The following PSD3 variants were observed in gnomAD, a reference collection of about 807,000 sequenced individuals.
The protein encoded by PSD3 is PH and SEC7 domain-containing protein 3.
In PSD3, 49 loss-of-function variants were observed where a neutral mutation model predicts 105.5. That is an observed-to-expected ratio of 0.46 (90% CI 0.37 to 0.59). The LOEUF (loss-of-function observed/expected upper bound fraction) is 0.59, where lower values mean the gene tolerates loss of function less well. PSD3 is among the 20% of genes least tolerant of loss of function. The pLI, the probability that PSD3 is intolerant of heterozygous loss-of-function variation, is 0.00. For synonymous variants in PSD3, 557 were observed against 457.8 expected, an observed-to-expected ratio of 1.22 and a Z score of -2.77; for missense variants, 1,561 against 1,263.8, an observed-to-expected ratio of 1.24 and a Z score of -3.57.
Position 18,871,620 on chromosome 8 carries a change from G to A in PSD3, c.1238+6C>T, listed in dbSNP as rs764717476. ...CTGAGACAGCAGGGCTACTATGGGA[G>A]CTCACCTTTCCCTGTCTCTCTCTGG... On this transcript the variant is annotated splice_donor_region_variant and intron_variant, in intron 3 of 15. Transcript: ENST00000327040. 1 of 1,591,302 alleles carries A rather than the reference G, an allele frequency of 6.3e-7. No individual in the cohort carries two copies. The highest frequency in any genetic ancestry group is 1.3e-5 in the African/African-American group (1 of 74,154).
chr8:18,878,197 T>C (rs187396875), intron 2 of PSD3, among the ~76,000 whole-genome samples: 16 of 152,342 alleles, frequency 1.1e-4, no homozygotes, highest in African/African-American at 3.4e-4. Context: ...CCTAAGATTC[T>C]ATTTCTTTTG....
chr8:18,702,955 A>G (rs1295164769), intron 9 of PSD3, among the ~76,000 whole-genome samples: 2 of 152,106 alleles, frequency 1.3e-5, no homozygotes, highest in Admixed American at 1.3e-4. Flanking sequence ...TGCTTTGTGT[A>G]GTGCCTGCTA....
chr8:18,912,042 A>C (rs1293430212), intron 2 of PSD3, among the ~76,000 whole-genome samples: 1 of 152,194 alleles, frequency 6.6e-6, no homozygotes, highest in African/African-American at 2.4e-5. Context: ...AGGTTTTGAA[A>C]AATTTATACA....
chr8:19,033,240 A>ATT (rs149436225), intron 1 of PSD3, among the ~76,000 whole-genome samples: 1 of 151,974 alleles, frequency 6.6e-6, no homozygotes, highest in African/African-American at 2.4e-5. Flanking sequence ...CACAACCAAC[A>ATT]TTTTTTTTAT....
At position 18,839,715 on chromosome 8, in the gene PSD3, G is replaced by A. The variant is rs188219237; in HGVS notation, c.1634+27959C>T. Among the ~76,000 whole-genome samples the A allele has an allele frequency of 1.4e-4, 22 of 152,182 alleles. 1 individual carries two copies. The highest frequency in any genetic ancestry group is 4.6e-4 in the African/African-American group (19 of 41,510). On this transcript the variant is annotated intron_variant, in intron 4 of 15. Transcript: ENST00000327040. The stretch of plus-strand genomic sequence containing the variant: ...CATCACCACTGTAAGTCAACTCCAC[G>A]TGGAACTCAAGTAAGATCAGAGTTC...
At chr8:18,868,341 A>C (rs1817100647) in intron 3 of PSD3, among the ~76,000 whole-genome samples, 1 of 152,180 alleles carries the variant, frequency 6.6e-6, no homozygotes, top group Non-Finnish European at 1.5e-5. Context: ...ATATGAATAA[A>C]ATATTCAATT....
intron 1 of PSD3, among the ~76,000 whole-genome samples, chr8:18,993,381 A>G (rs1036626290): frequency 1.3e-5 from 2 of 149,608 alleles, no homozygotes; most frequent in Admixed American, 1.3e-4. Context: ...CCAGAATCCA[A>G]TAAAATAATT....
chr8:18,625,588 T>C (rs773493823), intron 11 of PSD3, among the ~76,000 whole-genome samples: 6 of 152,208 alleles, frequency 3.9e-5, no homozygotes, highest in Non-Finnish European at 8.8e-5. Context: ...TGCTACACAG[T>C]GACAGACTGT....
intron 2 of PSD3, among the ~76,000 whole-genome samples, chr8:18,893,178 G>A (rs187394778): frequency 1.7e-4 from 26 of 152,250 alleles, no homozygotes; most frequent in Non-Finnish European, 2.9e-4. Context: ...AACTGCTTTC[G>A]CCATGTACTG....
At chr8:18,909,326 C>T (rs1820052872) in intron 2 of PSD3, among the ~76,000 whole-genome samples, 1 of 152,186 alleles carries the variant, frequency 6.6e-6, no homozygotes, top group South Asian at 2.1e-4. Flanking sequence ...ACCAAATGAA[C>T]AAACTGTGAC....
At chr8:18,768,927 T>A (rs951653435) in intron 8 of PSD3, among the ~76,000 whole-genome samples, 2 of 152,184 alleles carry the variant, frequency 1.3e-5, no homozygotes, top group East Asian at 1.9e-4. Flanking sequence ...ATATTTCTCA[T>A]AAGTTAAATA....
intron 8 of PSD3, among the ~76,000 whole-genome samples, chr8:18,784,398 C>G (rs1163816637): frequency 1.3e-5 from 2 of 152,194 alleles, no homozygotes; most frequent in South Asian, 2.1e-4. Context: ...GTGGGGGTTT[C>G]TCCACATTCA....
intron 12 of PSD3, among the ~76,000 whole-genome samples, chr8:18,590,761 T>C (rs1183037201): frequency 6.6e-6 from 1 of 152,100 alleles, no homozygotes; most frequent in African/African-American, 2.4e-5. Flanking sequence ...AAATACTACA[T>C]GCATTTAAAA....
chr8:18,865,241 T>G (rs1362161891), intron 4 of PSD3: 2 of 4,056 alleles, frequency 4.9e-4, no homozygotes, highest in African/African-American at 7.8e-4. Flanking sequence ...TATATATATA[T>G]ATATATATAT....
chr8:18,567,912 G>T (rs1005286096), intron 14 of PSD3, among the ~76,000 whole-genome samples: 4 of 152,200 alleles, frequency 2.6e-5, no homozygotes, highest in Non-Finnish European at 5.9e-5. Context: ...GCGTTATGGG[G>T]GTAGATCCCT....
At chr8:18,968,892 A>C (rs908738100) in intron 1 of PSD3, among the ~76,000 whole-genome samples, 1 of 151,146 alleles carries the variant, frequency 6.6e-6, no homozygotes, top group African/African-American at 2.4e-5. Context: ...AAAAAAAAAA[A>C]AAAAAAAAAA....
At chr8:18,760,667 G>C (rs1040779785) in intron 9 of PSD3, among the ~76,000 whole-genome samples, 1 of 152,118 alleles carries the variant, frequency 6.6e-6, no homozygotes, top group Non-Finnish European at 1.5e-5. Context: ...TCCGTATCTG[G>C]GCTGTTATGA....
At chr8:18,896,667 C>G (rs1228858874) in intron 2 of PSD3, among the ~76,000 whole-genome samples, 1 of 152,174 alleles carries the variant, frequency 6.6e-6, no homozygotes, top group African/African-American at 2.4e-5. Flanking sequence ...CCCACCTCGG[C>G]CTCCCAAAGT....
intron 10 of PSD3, among the ~76,000 whole-genome samples, chr8:18,636,996 C>T (rs985209930): frequency 3.9e-5 from 6 of 152,214 alleles, no homozygotes; most frequent in Non-Finnish European, 7.3e-5. Flanking sequence ...ACCACCAAAC[C>T]TAAGCCAGCA....
Sources: gnomAD v4.1 joint callset for allele counts (sites outside exome capture counted in the v4.1 genomes callset) on GRCh38, gnomAD v4.1.1 for gene constraint, MANE v1.5 for transcripts, NCBI Gene and HGNC (gene_info 2026-07-23, HGNC 2026-07-21) for gene names.